ASTN1: variants seen among roughly 807,000 people sequenced by gnomAD.
ASTN1 encodes the protein astrotactin-1.
A neutral mutation model predicts 140.7 loss-of-function variants in ASTN1; 41 were observed. That is an observed-to-expected ratio of 0.29 (90% CI 0.23 to 0.38). ASTN1 has a LOEUF of 0.38. ASTN1 is among the 10% of genes least tolerant of loss of function. The pLI, the probability that ASTN1 is intolerant of heterozygous loss-of-function variation, is 1.00. For synonymous variants in ASTN1, 640 were observed against 652.2 expected, an observed-to-expected ratio of 0.98 and a Z score of 0.29; for missense variants, 1,479 against 1,678.8, an observed-to-expected ratio of 0.88 and a Z score of 2.08.
chr1:176,893,915 A>G (rs1433387373), intron 17 of ASTN1, among the ~76,000 whole-genome samples: 1 of 152,160 alleles, frequency 6.6e-6, no homozygotes, highest in African/African-American at 2.4e-5. Flanking sequence ...TTTTGGTTCC[A>G]TCCATTTTCT....
chr1:176,859,095 G>T (rs781580510), downstream of ASTN1, among the ~76,000 whole-genome samples: 1 of 152,184 alleles, frequency 6.6e-6, no homozygotes, highest in African/African-American at 2.4e-5. Flanking sequence ...CATCCAAAAA[G>T]TTCCAAATAC....
chr1:176,864,757 A>C (rs1337653459), intron 22 of ASTN1, among the ~76,000 whole-genome samples: 1 of 152,236 alleles, frequency 6.6e-6, no homozygotes, highest in Non-Finnish European at 1.5e-5. Flanking sequence ...GCAAGCACCA[A>C]AAAGAAACAG....
intron 2 of ASTN1, among the ~76,000 whole-genome samples, chr1:177,050,892 A>G (rs1217880579): frequency 6.6e-6 from 1 of 152,162 alleles, no homozygotes; most frequent in African/African-American, 2.4e-5. Context: ...TAGCATATCC[A>G]GGCATGTCAC....
At chr1:176,938,474 G>C (rs962657891) in intron 14 of ASTN1, among the ~76,000 whole-genome samples, 1 of 152,194 alleles carries the variant, frequency 6.6e-6, no homozygotes, top group Non-Finnish European at 1.5e-5. Flanking sequence ...AACAGGAAAG[G>C]AATCACAAAG....
chr1:177,038,237 T>C (rs1226570895), intron 2 of ASTN1, among the ~76,000 whole-genome samples: 1 of 152,232 alleles, frequency 6.6e-6, no homozygotes. Flanking sequence ...AACCCTTCTC[T>C]AGTCTCACTG....
rs563140254 is a variant in ASTN1 at position 176,908,015 on chromosome 1, T to G, written c.2672-13185A>C. Among the ~76,000 whole-genome samples, 12 of 152,302 alleles carry G rather than the reference T, an allele frequency of 7.9e-5. No individual in the cohort carries two copies. In the South Asian group the frequency reaches 2.3e-3, roughly 29 times the overall value. On this transcript the variant is annotated intron_variant, in intron 16 of 22. Transcript: ENST00000361833. Reference sequence around the variant, plus strand: ...CTACTGAGGAAGGTGGAAGCTGTTATGATCATAGGAGGGCCCACTTGGCAG... The same window carrying G: ...CTACTGAGGAAGGTGGAAGCTGTTAGGATCATAGGAGGGCCCACTTGGCAG...
chr1:177,053,585 A>G (rs531124406), intron 2 of ASTN1, among the ~76,000 whole-genome samples: 1 of 152,364 alleles, frequency 6.6e-6, no homozygotes, highest in Non-Finnish European at 1.5e-5. Context: ...GCCTGAAAAC[A>G]GTGTTAAATA....
intron 2 of ASTN1, among the ~76,000 whole-genome samples, chr1:177,056,074 T>C (rs1677787758): frequency 6.6e-6 from 1 of 152,200 alleles, no homozygotes; most frequent in Non-Finnish European, 1.5e-5. Context: ...CTCAGGCAAC[T>C]GGACTGAACT....
chr1:177,075,869 T>C (rs974856695), intron 1 of ASTN1, among the ~76,000 whole-genome samples: 3 of 152,080 alleles, frequency 2.0e-5, no homozygotes, highest in East Asian at 1.9e-4. Context: ...CTCAAACTCC[T>C]GGCCTCAAGT....
At chr1:176,896,550 C>T (rs1358888340) in intron 16 of ASTN1, among the ~76,000 whole-genome samples, 4 of 152,128 alleles carry the variant, frequency 2.6e-5, no homozygotes, top group East Asian at 3.9e-4. Context: ...ATATACTGTA[C>T]GGATTGGGCG....
intron 16 of ASTN1, among the ~76,000 whole-genome samples, chr1:176,896,648 A>C (rs1401094522): frequency 6.6e-6 from 1 of 152,176 alleles, no homozygotes; most frequent in Non-Finnish European, 1.5e-5. Context: ...GCATTTCTAA[A>C]TGGGCTCATA....
At chr1:176,994,102 A>G (rs1465994750) in intron 8 of ASTN1, among the ~76,000 whole-genome samples, 3 of 123,156 alleles carry the variant, frequency 2.4e-5, no homozygotes, top group Admixed American at 1.7e-4. Flanking sequence ...TTTTCACCCC[A>G]CCCCCCCCGC....
At chr1:177,059,192 C>G (rs953371160) in intron 2 of ASTN1, among the ~76,000 whole-genome samples, 12 of 152,170 alleles carry the variant, frequency 7.9e-5, no homozygotes, top group Non-Finnish European at 1.6e-4. Flanking sequence ...CCCATGACCA[C>G]CATTGCATCC....
At chr1:176,923,827 C>A (rs183169162) in intron 16 of ASTN1, among the ~76,000 whole-genome samples, 35 of 152,250 alleles carry the variant, frequency 2.3e-4, no homozygotes, top group Middle Eastern at 3.4e-3. Flanking sequence ...GTACTCATCC[C>A]AAAAGATGTG....
Position 177,079,808 on chromosome 1 carries a change from T to C in ASTN1, c.284-18543A>G, listed in dbSNP as rs1009663567. Among the ~76,000 whole-genome samples, 3 of 152,236 alleles carry C rather than the reference T, an allele frequency of 2.0e-5. No individual in the cohort carries two copies. The South Asian group carries it at 6.2e-4, about 32-fold the overall frequency. On this transcript the variant is annotated intron_variant, in intron 1 of 22. Coordinates refer to ENST00000361833, the MANE Select transcript of ASTN1 (RefSeq NM_004319.3). ...ACAAAAGCTCAGAGAGTTAAGTATTTTGCACAAGGTTATACAGAACGTTCG... is the reference window on the plus strand; with the variant it reads ...ACAAAAGCTCAGAGAGTTAAGTATTCTGCACAAGGTTATACAGAACGTTCG...
chr1:176,956,139 C>T (rs1032255293), intron 11 of ASTN1, among the ~76,000 whole-genome samples: 4 of 152,052 alleles, frequency 2.6e-5, no homozygotes, highest in East Asian at 1.9e-4. Context: ...CTTTGGGAGA[C>T]GTGACCTAAA....
At chr1:176,893,757 C>T (rs1231982211) in intron 17 of ASTN1, among the ~76,000 whole-genome samples, 1 of 152,156 alleles carries the variant, frequency 6.6e-6, no homozygotes, top group Non-Finnish European at 1.5e-5. Context: ...AGTCCCACAC[C>T]CGGCGTCTCC....
Position 177,030,824 on chromosome 1 carries a change from T to C in ASTN1, c.994A>G (p.Ile332Val), listed in dbSNP as rs1377498516. 1 of 1,614,134 alleles carries C rather than the reference T, an allele frequency of 6.2e-7. No homozygotes were observed. Among genetic ancestry groups the C allele is most frequent in the East Asian group, 2.2e-5 (1 of 44,886 alleles). ...TGCATACCTCTTGCTTTGTTGTTGA[T>C]CCGCTTTCTCTGGCTGCTGGAGGTG... ...SHTSSSQRKR[I>V]NNKARAGSAF... Residue 332 changes from isoleucine (I) to valine (V), a missense_variant, in exon 4 of 23, where the codon ATC (isoleucine) becomes GTC (valine). This residue lies in a region of ASTN1 where 729 missense variants were observed against 860.4 expected (regional missense o/e 0.85). Coordinates refer to ENST00000361833, the MANE Select transcript of ASTN1 (RefSeq NM_004319.3).
intron 1 of ASTN1, among the ~76,000 whole-genome samples, chr1:177,146,896 T>C (rs1053458370): frequency 2.0e-5 from 3 of 152,214 alleles, no homozygotes; most frequent in African/African-American, 4.8e-5. Flanking sequence ...AATCTCACTT[T>C]AGCTTGCAGC....
Sources: gnomAD v4.1 joint callset for allele counts (sites outside exome capture counted in the v4.1 genomes callset) on GRCh38, gnomAD v4.1.1 for gene constraint, gnomAD v4.1.1 regional missense constraint, MANE v1.5 for transcripts, NCBI Gene and HGNC (gene_info 2026-07-23, HGNC 2026-07-21) for gene names.